The following SRFBP1 variants were observed in gnomAD, a reference collection of about 807,000 sequenced individuals.
SRFBP1 encodes the protein serum response factor-binding protein 1.
Under a neutral mutation model 45.5 loss-of-function variants are expected in SRFBP1, and 47 were observed. The ratio of observed to expected loss-of-function variants is 1.03; its 90% CI spans 0.82 to 1.32. The LOEUF (loss-of-function observed/expected upper bound fraction) is 1.32. SRFBP1 is among the 40% of genes most tolerant of loss of function. The pLI is 0.00. For missense variants in SRFBP1, 621 were observed against 484.6 expected (o/e 1.28, Z -2.64); for synonymous variants, 203 against 166.3 (o/e 1.22, Z -1.70).
At chr5:122,017,309 C>T (rs1488239835) in intron 4 of SRFBP1, among the ~76,000 whole-genome samples, 2 of 152,180 alleles carry the variant, frequency 1.3e-5, no homozygotes, top group East Asian at 1.9e-4. Flanking sequence ...TGAGGCCACA[C>T]TTTCTCTGGA....
Position 122,001,808 on chromosome 5 carries a change from G to T in SRFBP1, c.270+7138G>T, listed in dbSNP as rs1005865425. Among the ~76,000 whole-genome samples the T allele has an allele frequency of 3.3e-5, 5 of 151,822 alleles. No individual in the cohort carries two copies. The South Asian group carries it at 8.3e-4, about 25-fold the overall frequency. The stretch of plus-strand genomic sequence containing the variant: ...GATCTCCTGACCTCATGATCCACCC[G>T]CCTCGGCCTCCCAAAGTGCTGGGAT... On this transcript the variant is annotated intron_variant, in intron 4 of 7. Coordinates refer to ENST00000339397, the MANE Select transcript of SRFBP1 (RefSeq NM_152546.3).
intron 3 of SRFBP1, among the ~76,000 whole-genome samples, chr5:121,994,320 A>C (rs75650572): frequency 1.3e-5 from 2 of 151,862 alleles, no homozygotes; most frequent in African/African-American, 2.4e-5. Flanking sequence ...TTTTTAAATA[A>C]CTGTTCTTTG....
chr5:122,073,453 A>G (rs1164913079), intron 2 of SRFBP1, among the ~76,000 whole-genome samples: 1 of 152,220 alleles, frequency 6.6e-6, no homozygotes, highest in Non-Finnish European at 1.5e-5. Flanking sequence ...AAGTGCTTTT[A>G]AAGAAACTTA....
chr5:122,025,531 C>A (rs561484187), intron 7 of SRFBP1, among the ~76,000 whole-genome samples: 10 of 152,224 alleles, frequency 6.6e-5, no homozygotes, highest in Non-Finnish European at 7.4e-5. Context: ...CCTGAGGAAT[C>A]GCCACACTGA....
downstream of SRFBP1, chr5:122,077,121 C>G: frequency 1.3e-6 from 2 of 1,490,264 alleles, no homozygotes; most frequent in South Asian, 1.3e-5. The surrounding 1 kb of genome is among the most constrained non-coding windows in gnomAD (Gnocchi z 4.9). Flanking sequence ...CAGAGTGGAG[C>G]GGAGGACAGC....
intron 1 of SRFBP1, among the ~76,000 whole-genome samples, chr5:121,971,232 G>A (rs1000502452): frequency 3.9e-5 from 6 of 151,990 alleles, no homozygotes; most frequent in African/African-American, 1.2e-4. Context: ...GAGGCAAGAA[G>A]AACAGGTGTG....
intron 1 of SRFBP1, among the ~76,000 whole-genome samples, chr5:121,962,835 A>G (rs1331260449): frequency 6.6e-6 from 1 of 152,240 alleles, no homozygotes; most frequent in African/African-American, 2.4e-5. Flanking sequence ...AGTTAGATAC[A>G]GAAAGGAAAT....
intron 2 of SRFBP1, among the ~76,000 whole-genome samples, chr5:122,044,145 A>G (rs988360683): frequency 6.6e-6 from 1 of 152,170 alleles, no homozygotes; most frequent in African/African-American, 2.4e-5. Context: ...GCTTAGGATA[A>G]TGGCCTCCAG....
At chr5:121,972,089 T>A (rs1308591495) in intron 1 of SRFBP1, among the ~76,000 whole-genome samples, 1 of 151,894 alleles carries the variant, frequency 6.6e-6, no homozygotes, top group Non-Finnish European at 1.5e-5. Context: ...AATGACTCAA[T>A]CATGTTTAAA....
chr5:122,025,163 C>A (rs1448336700), intron 7 of SRFBP1, among the ~76,000 whole-genome samples: 4 of 152,014 alleles, frequency 2.6e-5, no homozygotes, highest in Admixed American at 6.6e-5. Flanking sequence ...TTCCTGTGTC[C>A]ATGTGTTCTC....
At chr5:122,023,387 A>C (rs1464571018) in intron 7 of SRFBP1, among the ~76,000 whole-genome samples, 1 of 152,206 alleles carries the variant, frequency 6.6e-6, no homozygotes, top group African/African-American at 2.4e-5. Flanking sequence ...ATTTTCCATC[A>C]AATCTCATGG....
chr5:122,007,611 G>A (rs979007984), intron 4 of SRFBP1, among the ~76,000 whole-genome samples: 16 of 151,626 alleles, frequency 1.1e-4, no homozygotes, highest in African/African-American at 3.9e-4. Context: ...AGCCTCAGGG[G>A]CAGGCCCGGG....
rs115648526 is a variant in SRFBP1, at chr5:121,962,150, T to C, written c.36+82T>C. The C allele has an allele frequency of 7.7e-4, 1,211 of 1,565,480 alleles. 15 individuals are homozygous for C. The African/African-American group carries it at 0.015, about 20-fold the overall frequency. ...TGAGACGCGTGGTCGGAGGCGGGCATAGAGGGTGCGGTTGGAGGAACTTTC... is the reference window on the plus strand; with the variant it reads ...TGAGACGCGTGGTCGGAGGCGGGCACAGAGGGTGCGGTTGGAGGAACTTTC... On this transcript the variant is annotated intron_variant, in intron 1 of 7. Coordinates refer to ENST00000339397, the MANE Select transcript of SRFBP1 (RefSeq NM_152546.3).
At chr5:122,059,535 T>C (rs936308484) in intron 2 of SRFBP1, among the ~76,000 whole-genome samples, 1 of 152,136 alleles carries the variant, frequency 6.6e-6, no homozygotes. Flanking sequence ...TAAATTTTTC[T>C]ATACCCCTAA....
At chr5:122,074,241 TC>T in intron 2 of SRFBP1, 2 of 1,310,490 alleles carry the variant, frequency 1.5e-6, no homozygotes, top group Non-Finnish European at 2.1e-6. Context: ...TTAAATGACT[TC>T]CCCCATGGCT....
chr5:122,059,597 A>T (rs1754139986), intron 2 of SRFBP1, among the ~76,000 whole-genome samples: 1 of 152,132 alleles, frequency 6.6e-6, no homozygotes, highest in Non-Finnish European at 1.5e-5. Flanking sequence ...AGGGATGGAT[A>T]TAGCTGACTA....
intron 7 of SRFBP1, among the ~76,000 whole-genome samples, chr5:122,025,984 G>A (rs1363619270): frequency 2.0e-5 from 3 of 152,152 alleles, no homozygotes; most frequent in African/African-American, 7.2e-5. Flanking sequence ...CAGCTACTTA[G>A]GAGGCTGAGG....
chr5:122,005,672 G>T (rs1013929868), intron 4 of SRFBP1, among the ~76,000 whole-genome samples: 5 of 151,966 alleles, frequency 3.3e-5, no homozygotes, highest in Non-Finnish European at 7.4e-5. Context: ...TCTGCATATG[G>T]ACTTACTACT....
chr5:121,977,378 C>G (rs1752324866), intron 3 of SRFBP1, among the ~76,000 whole-genome samples: 1 of 152,010 alleles, frequency 6.6e-6, no homozygotes, highest in Admixed American at 6.6e-5. Flanking sequence ...TTTTTAAAAA[C>G]TGGAATGAAT....
Sources: allele counts gnomAD v4.1 joint callset (sites outside exome capture counted in the v4.1 genomes callset), GRCh38; gene constraint gnomAD v4.1.1; non-coding constraint Gnocchi (gnomAD v3.1); transcripts MANE v1.5; gene names NCBI Gene and HGNC (gene_info 2026-07-23, HGNC 2026-07-21).